Variants in EDIL3 observed in about 807,000 individuals in gnomAD.
The protein encoded by EDIL3 is EGF-like repeat and discoidin I-like domain-containing protein 3.
A neutral mutation model predicts 67.4 loss-of-function variants in EDIL3; 37 were observed. The observed-to-expected ratio is 0.55, with a 90% CI of 0.42 to 0.72. EDIL3 has a LOEUF of 0.72. Ranked by LOEUF, EDIL3 falls within the 30% of genes least tolerant of loss-of-function variation. The pLI is 0.00. For missense variants in EDIL3, 527 were observed against 586.3 expected (o/e 0.90, Z 1.04); for synonymous variants, 195 against 196.3 (o/e 0.99, Z 0.05).
At chr5:84,267,246 G>A (rs1745369467) in intron 1 of EDIL3, among the ~76,000 whole-genome samples, 1 of 151,970 alleles carries the variant, frequency 6.6e-6, no homozygotes, top group African/African-American at 2.4e-5. Flanking sequence ...GTTGTGTATT[G>A]CCCACCCTTC....
chr5:84,384,368 G>T lies in EDIL3; in HGVS notation c.7C>A (p.Arg3Ser), dbSNP rs749065287. 1 of 1,612,560 alleles carries T rather than the reference G, an allele frequency of 6.2e-7. No homozygotes were observed. The highest frequency in any genetic ancestry group is 1.1e-5 in the South Asian group (1 of 90,814). ...ACCAAGAGCCAGACGGCTACCGAGC[G>T]CTTCATGATCCCGTCTCCCGGACGT... MKRSVAVWLLVGL... is the reference protein window; with the variant it reads MKSSVAVWLLVGL... Residue 3 changes from arginine (R) to serine (S), a missense_variant, in exon 1 of 11, where the codon CGC (arginine) becomes AGC (serine). By Grantham distance (110) the Arg-to-Ser change is moderately radical. Transcript: ENST00000296591.
chr5:84,044,986 A>G (rs59437886), intron 9 of EDIL3, among the ~76,000 whole-genome samples: 117 of 152,278 alleles, frequency 7.7e-4, no homozygotes, highest in East Asian at 5.0e-3. Flanking sequence ...ATTTACAAAG[A>G]AAAAAAGGTT....
At chr5:84,241,908 A>G (rs995540658) in intron 2 of EDIL3, among the ~76,000 whole-genome samples, 3 of 151,956 alleles carry the variant, frequency 2.0e-5, no homozygotes, top group East Asian at 1.9e-4. Context: ...AGATCCTTAC[A>G]TATATTGAAT....
intron 1 of EDIL3, among the ~76,000 whole-genome samples, chr5:84,263,608 T>A (rs1049236764): frequency 6.6e-6 from 1 of 152,076 alleles, no homozygotes; most frequent in South Asian, 2.1e-4. Flanking sequence ...TTTTGAAAAA[T>A]GGTAATGGTA....
At chr5:84,235,743 A>G (rs924855944) in intron 2 of EDIL3, among the ~76,000 whole-genome samples, 3 of 152,056 alleles carry the variant, frequency 2.0e-5, no homozygotes, top group Non-Finnish European at 4.4e-5. Flanking sequence ...AATCAAAGAA[A>G]GCCTTACATC....
At chr5:84,123,175 T>C (rs1411107136) in intron 5 of EDIL3, among the ~76,000 whole-genome samples, 1 of 151,986 alleles carries the variant, frequency 6.6e-6, no homozygotes, top group African/African-American at 2.4e-5. Flanking sequence ...GTGGAGGCAA[T>C]TATTTTCAAT....
At chr5:84,026,404 CTTTT>C (rs994507673) in intron 9 of EDIL3, among the ~76,000 whole-genome samples, 1 of 151,992 alleles carries the variant, frequency 6.6e-6, no homozygotes, top group Non-Finnish European at 1.5e-5. Flanking sequence ...TTCCATCTTT[CTTTT>C]TTATCTTCAT....
chr5:83,944,552 T>A (rs202063719), intron 10 of EDIL3, among the ~76,000 whole-genome samples: 33 of 151,972 alleles, frequency 2.2e-4, no homozygotes, highest in East Asian at 1.4e-3. Flanking sequence ...TTATAAATTA[T>A]GTTGGGGTAA....
At position 84,378,620 on chromosome 5, in the gene EDIL3, C is replaced by T. The variant is rs573776365; in HGVS notation, c.67+5688G>A. On this transcript the variant is annotated intron_variant, in intron 1 of 10. Transcript: ENST00000296591. ...TACATGATCTAAGACCTAACTATGACATCTATTTTTGTGGTCAGAAGTTTC... is the reference window on the plus strand; with the variant it reads ...TACATGATCTAAGACCTAACTATGATATCTATTTTTGTGGTCAGAAGTTTC... Among the ~76,000 whole-genome samples the T allele has an allele frequency of 6.6e-5, 10 of 152,286 alleles. No individual in the cohort carries two copies. In the South Asian group the frequency reaches 2.1e-3, roughly 32 times the overall value.
intron 6 of EDIL3, among the ~76,000 whole-genome samples, chr5:84,087,096 G>T (rs1033879639): frequency 1.3e-5 from 2 of 152,204 alleles, no homozygotes; most frequent in Non-Finnish European, 2.9e-5. Flanking sequence ...AATATATTTA[G>T]CTAATAATCT....
At chr5:84,295,261 G>A (rs1477094277) in intron 1 of EDIL3, among the ~76,000 whole-genome samples, 3 of 151,968 alleles carry the variant, frequency 2.0e-5, no homozygotes, top group African/African-American at 7.2e-5. Context: ...ACCTGTATGA[G>A]TGATTAATAT....
chr5:84,306,746 C>T (rs759335486), intron 1 of EDIL3, among the ~76,000 whole-genome samples: 3 of 152,204 alleles, frequency 2.0e-5, no homozygotes, highest in Non-Finnish European at 4.4e-5. Flanking sequence ...CTGAATAAGT[C>T]ATTTCCTAAG....
intron 9 of EDIL3, among the ~76,000 whole-genome samples, chr5:84,029,843 T>C (rs1247285853): frequency 6.6e-6 from 1 of 152,156 alleles, no homozygotes; most frequent in African/African-American, 2.4e-5. Context: ...CTTTAAAAGA[T>C]CTATTTAAAA....
intron 1 of EDIL3, among the ~76,000 whole-genome samples, chr5:84,382,425 T>C (rs977043173): frequency 6.6e-6 from 1 of 151,114 alleles, no homozygotes; most frequent in Non-Finnish European, 1.5e-5. Flanking sequence ...CGCGGCCACA[T>C]AGGCAAGCGC....
chr5:84,172,081 C>T (rs1748822269), intron 4 of EDIL3, among the ~76,000 whole-genome samples: 1 of 152,096 alleles, frequency 6.6e-6, no homozygotes, highest in Non-Finnish European at 1.5e-5. Context: ...AGTGTGAGAT[C>T]CCTTAGTTTA....
chr5:84,373,890 A>T (rs1045466678), intron 1 of EDIL3, among the ~76,000 whole-genome samples: 1 of 152,176 alleles, frequency 6.6e-6, no homozygotes, highest in Non-Finnish European at 1.5e-5. Context: ...TAGCATTGCC[A>T]GTAGGTACTT....
intron 9 of EDIL3, among the ~76,000 whole-genome samples, chr5:83,987,071 C>T (rs995352837): frequency 6.6e-6 from 1 of 152,152 alleles, no homozygotes; most frequent in African/African-American, 2.4e-5. Context: ...CCATGTACTC[C>T]ACTTGAGCAA....
intron 7 of EDIL3, 61 bp from the exon 8 acceptor site, chr5:84,064,905 T>C: frequency 1.9e-6 from 3 of 1,554,992 alleles, no homozygotes; most frequent in Non-Finnish European, 2.6e-6. Flanking sequence ...TTTTACATAT[T>C]TACCCTATCT....
chr5:84,224,292 A>G (rs938641982), intron 3 of EDIL3, among the ~76,000 whole-genome samples: 3 of 151,542 alleles, frequency 2.0e-5, no homozygotes, highest in African/African-American at 7.2e-5. Context: ...TGATAAATGA[A>G]TATTTCTAAA....
Sources: allele counts gnomAD v4.1 joint callset (sites outside exome capture counted in the v4.1 genomes callset), GRCh38; gene constraint gnomAD v4.1.1; transcripts MANE v1.5; gene names NCBI Gene and HGNC (gene_info 2026-07-23, HGNC 2026-07-21).